Variants in APOL3 observed in about 807,000 individuals in gnomAD.
APOL3 encodes the protein TNF-inducible protein CG12-1.
A neutral mutation model predicts 11.6 loss-of-function variants in APOL3; 14 were observed. The ratio of observed to expected loss-of-function variants is 1.21; its 90% CI spans 0.80 to 1.89. The LOEUF is 1.89. APOL3 is among the 40% of genes most tolerant of loss of function. The pLI is 0.00. For synonymous variants in APOL3, 192 were observed against 190.6 expected, an observed-to-expected ratio of 1.01 and a Z score of -0.06; for missense variants, 483 against 492.1, an observed-to-expected ratio of 0.98 and a Z score of 0.17.
At chr22:36,163,760 GC>G (rs1368616238), upstream of APOL3, among the ~76,000 whole-genome samples, 1 of 152,236 alleles carries the variant, frequency 6.6e-6, no homozygotes, top group Non-Finnish European at 1.5e-5. Context: ...TGATCTCAGT[GC>G]TGTGTATTCT....
rs114663019 is a variant in APOL3 at position 36,159,075 on chromosome 22, A to G, written c.223+1594T>C. Among the ~76,000 whole-genome samples the G allele has an allele frequency of 7.8e-3, 1,181 of 152,246 alleles. 17 individuals carry two copies. Among genetic ancestry groups the G allele is most frequent in the African/African-American group, 0.027 (1,123 of 41,524 alleles). On this transcript the variant is annotated intron_variant, in intron 1 of 2. Transcript: ENST00000349314. The stretch of plus-strand genomic sequence containing the variant: ...GTCAAATGTAATTGCACCTGAGTTT[A>G]TAGCAAATGTTCCGTCATCTGAGCT...
At chr22:36,160,544 C>A (rs1160644500) in intron 1 of APOL3, 125 bp downstream of exon 1, 4 of 990,900 alleles carry the variant, frequency 4.0e-6, no homozygotes, top group Non-Finnish European at 6.1e-6. Context: ...TGCCATGGAC[C>A]GAGATGTGAC....
intron 1 of APOL3, among the ~76,000 whole-genome samples, chr22:36,160,284 C>A (rs999249866): frequency 7.9e-5 from 12 of 152,178 alleles, no homozygotes; most frequent in African/African-American, 2.9e-4. Flanking sequence ...AAGGACAGGC[C>A]AGGCTCTGGA....
intron 1 of APOL3, among the ~76,000 whole-genome samples, chr22:36,148,177 A>G (rs1001890969): frequency 8.5e-5 from 13 of 152,250 alleles, no homozygotes; most frequent in African/African-American, 3.1e-4. Context: ...AAAGTCTTCA[A>G]AATTCGATTG....
chr22:36,141,967 A>C, exon 3 of APOL3: 1 of 1,614,200 alleles, frequency 6.2e-7, no homozygotes, highest in Non-Finnish European at 8.5e-7. Context: ...CATTCCCTAA[A>C]CTGCTCATCT....
upstream of APOL3, chr22:36,161,336 C>A (rs1196831486): frequency 1.1e-5 from 2 of 186,346 alleles, no homozygotes; most frequent in Non-Finnish European, 2.3e-5. Context: ...CAAGCATGAG[C>A]CACTCGGCCT....
At chr22:36,152,866 T>A (rs2012011680) in intron 1 of APOL3, among the ~76,000 whole-genome samples, 1 of 152,174 alleles carries the variant, frequency 6.6e-6, no homozygotes, top group Non-Finnish European at 1.5e-5. Context: ...CCCAGCACTT[T>A]AGGAAGCTGA....
chr22:36,163,179 T>G (rs1334879996), upstream of APOL3, among the ~76,000 whole-genome samples: 1 of 152,216 alleles, frequency 6.6e-6, no homozygotes, highest in Non-Finnish European at 1.5e-5. Flanking sequence ...TTTCTTATGC[T>G]CTGGCCACAG....
At chr22:36,156,956 A>C (rs761850131) in intron 1 of APOL3, 10 of 456,038 alleles carry the variant, frequency 2.2e-5, no homozygotes, top group Non-Finnish European at 2.2e-5. Flanking sequence ...CTTCAGTTTC[A>C]CTTTCAGTTG....
At chr22:36,145,434 A>T in intron 2 of APOL3, 39 bp downstream of exon 3, 1 of 1,609,092 alleles carries the variant, frequency 6.2e-7, no homozygotes. Flanking sequence ...AGGATGGCAT[A>T]GCCGGGGCGC....
chr22:36,160,963 C>A, upstream of APOL3: 1 of 1,359,998 alleles, frequency 7.4e-7, no homozygotes, highest in Non-Finnish European at 1.0e-6. Context: ...CCTTCTTGGC[C>A]AACCCACCTG....
At chr22:36,143,808 A>G (rs983200581) in intron 2 of APOL3, among the ~76,000 whole-genome samples, 1 of 152,232 alleles carries the variant, frequency 6.6e-6, no homozygotes, top group African/African-American at 2.4e-5. Context: ...GTGCATGCCA[A>G]TGCCATGTGC....
At chr22:36,145,411 C>G in intron 2 of APOL3, 62 bp downstream of exon 3, 1 of 1,590,926 alleles carries the variant, frequency 6.3e-7, no homozygotes, top group Non-Finnish European at 8.6e-7. Flanking sequence ...AGAAAACTAG[C>G]CCAGGGGAGA....
intron 1 of APOL3, among the ~76,000 whole-genome samples, chr22:36,155,031 T>G (rs1408700700): frequency 2.6e-5 from 4 of 152,182 alleles, no homozygotes; most frequent in Non-Finnish European, 5.9e-5. Flanking sequence ...CCTCCACCTG[T>G]GTCCCCCTCA....
upstream of APOL3, among the ~76,000 whole-genome samples, chr22:36,163,918 T>C (rs1034162448): frequency 1.3e-5 from 2 of 152,270 alleles, no homozygotes; most frequent in African/African-American, 4.8e-5. Flanking sequence ...TAATGCCCAC[T>C]GACTTTCCCT....
intron 1 of APOL3, chr22:36,156,812 C>T (rs956776280): frequency 1.9e-5 from 7 of 375,106 alleles, no homozygotes; most frequent in Middle Eastern, 6.2e-4. Flanking sequence ...AGGGACCCTG[C>T]GGTGTTCCCA....
At chr22:36,158,505 C>A (rs140858491) in intron 1 of APOL3, among the ~76,000 whole-genome samples, 1 of 151,966 alleles carries the variant, frequency 6.6e-6, no homozygotes, top group African/African-American at 2.4e-5. Flanking sequence ...GTAGGCGGGT[C>A]CCTAACACTA....
chr22:36,158,840 T>C (rs552454008), intron 1 of APOL3, among the ~76,000 whole-genome samples: 1 of 151,954 alleles, frequency 6.6e-6, no homozygotes, highest in Non-Finnish European at 1.5e-5. Flanking sequence ...ATGAATGCGA[T>C]GCCTCCCTTA....
At chr22:36,162,054 T>A (rs982198636), upstream of APOL3, among the ~76,000 whole-genome samples, 1 of 152,224 alleles carries the variant, frequency 6.6e-6, no homozygotes, top group Admixed American at 6.5e-5. Flanking sequence ...GCATTCATGA[T>A]AAACAGTTTG....
Sources: allele counts gnomAD v4.1 joint callset (sites outside exome capture counted in the v4.1 genomes callset), GRCh38; gene constraint gnomAD v4.1.1; transcripts MANE v1.5; gene names NCBI Gene and HGNC (gene_info 2026-07-23, HGNC 2026-07-21).